NRG3: variants seen among roughly 807,000 people sequenced by gnomAD.
The protein encoded by NRG3 is neuregulin 3.
In NRG3, 31 loss-of-function variants were observed where a neutral mutation model predicts 66.9. That is an observed-to-expected ratio of 0.46 (90% CI 0.35 to 0.63). The LOEUF is 0.63. Among genes scored for constraint, NRG3 ranks in the 20% least tolerant of loss-of-function variants. NRG3 has a pLI of 0.00. For synonymous variants in NRG3, 393 were observed against 359.4 expected (o/e 1.09, Z -1.06); for missense variants, 910 against 878.9 (o/e 1.04, Z -0.45).
intron 1 of NRG3, among the ~76,000 whole-genome samples, chr10:82,013,705 A>G (rs1767524332): frequency 6.6e-6 from 1 of 151,576 alleles, no homozygotes; most frequent in South Asian, 2.1e-4. Flanking sequence ...AGAATTTTAA[A>G]ATAGTATATT....
At chr10:82,314,222 C>T (rs2081181389) in intron 1 of NRG3, among the ~76,000 whole-genome samples, 1 of 152,148 alleles carries the variant, frequency 6.6e-6, no homozygotes, top group South Asian at 2.1e-4. Context: ...ATTAGCTTGA[C>T]AACAGAACTT....
chr10:82,354,809 TCAGA>T (rs2083673742), intron 1 of NRG3, among the ~76,000 whole-genome samples: 1 of 152,122 alleles, frequency 6.6e-6, no homozygotes, highest in Non-Finnish European at 1.5e-5. Context: ...CATGGTCCAG[TCAGA>T]CAGTCAGATG....
At chr10:82,205,637 C>G (rs1415310105) in intron 1 of NRG3, among the ~76,000 whole-genome samples, 1 of 152,154 alleles carries the variant, frequency 6.6e-6, no homozygotes, top group African/African-American at 2.4e-5. Flanking sequence ...TTCATGCTCA[C>G]AGTCTTCACC....
At chr10:82,139,185 C>G (rs1323142007) in intron 1 of NRG3, among the ~76,000 whole-genome samples, 2 of 152,128 alleles carry the variant, frequency 1.3e-5, no homozygotes, top group African/African-American at 4.8e-5. Flanking sequence ...GTTGCATATA[C>G]AGCCTCTAAC....
chr10:82,116,440 T>C (rs2067723768), intron 1 of NRG3, among the ~76,000 whole-genome samples: 1 of 152,168 alleles, frequency 6.6e-6, no homozygotes, highest in South Asian at 2.1e-4. Context: ...CAACATTTAA[T>C]TTAGAAACTA....
chr10:81,944,957 A>G (rs1171871682), intron 1 of NRG3, among the ~76,000 whole-genome samples: 1 of 151,936 alleles, frequency 6.6e-6, no homozygotes, highest in Non-Finnish European at 1.5e-5. Flanking sequence ...CCCAGCACCA[A>G]CCATAGTTCC....
At chr10:82,068,677 T>A (rs1028540309) in intron 1 of NRG3, among the ~76,000 whole-genome samples, 5 of 151,956 alleles carry the variant, frequency 3.3e-5, no homozygotes, top group African/African-American at 1.2e-4. Flanking sequence ...ATGAAAGAGG[T>A]GACACCAGAG....
chr10:82,865,556 T>A, intron 4 of NRG3, 119 bp downstream of exon 4: 3 of 979,572 alleles, frequency 3.1e-6, no homozygotes, highest in Middle Eastern at 2.2e-4. Flanking sequence ...ATGCTATTAG[T>A]AGGAAAAAAT....
chr10:81,976,903 ACT>A (rs760483694), intron 1 of NRG3, among the ~76,000 whole-genome samples: 7 of 152,172 alleles, frequency 4.6e-5, no homozygotes, highest in Non-Finnish European at 7.3e-5. Flanking sequence ...GTATACAAAC[ACT>A]CACACACAAA....
At chr10:82,526,280 TA>T (rs1846686693) in intron 2 of NRG3, among the ~76,000 whole-genome samples, 1 of 151,628 alleles carries the variant, frequency 6.6e-6, no homozygotes, top group Non-Finnish European at 1.5e-5. Flanking sequence ...AAATTTATTT[TA>T]AAAATTAATG....
intron 2 of NRG3, among the ~76,000 whole-genome samples, chr10:82,412,228 A>G (rs929753703): frequency 6.6e-6 from 1 of 152,186 alleles, no homozygotes; most frequent in Non-Finnish European, 1.5e-5. Flanking sequence ...TGAAAGAATT[A>G]TAATGATAGG....
chr10:82,711,715 T>C (rs920846479), intron 2 of NRG3, among the ~76,000 whole-genome samples: 1 of 152,214 alleles, frequency 6.6e-6, no homozygotes, highest in East Asian at 1.9e-4. Context: ...TTTGATTTCC[T>C]CTGTTCTCTA....
At chr10:81,995,203 T>G (rs2060892344) in intron 1 of NRG3, among the ~76,000 whole-genome samples, 1 of 152,232 alleles carries the variant, frequency 6.6e-6, no homozygotes, top group Non-Finnish European at 1.5e-5. Context: ...TGTTTACGTT[T>G]CATATTTCAT....
At chr10:82,095,716 G>A (rs1163764626) in intron 1 of NRG3, among the ~76,000 whole-genome samples, 1 of 152,154 alleles carries the variant, frequency 6.6e-6, no homozygotes, top group Non-Finnish European at 1.5e-5. Context: ...GTTCTCCAGG[G>A]CTAACAGGAA....
chr10:82,459,673 A>G (rs1263410532), intron 2 of NRG3, among the ~76,000 whole-genome samples: 2 of 152,168 alleles, frequency 1.3e-5, no homozygotes, highest in Admixed American at 6.5e-5. Context: ...GAGCCCTCCA[A>G]CAGCATCCAC....
chr10:82,205,468 A>G (rs1358802800), intron 1 of NRG3, among the ~76,000 whole-genome samples: 2 of 152,164 alleles, frequency 1.3e-5, no homozygotes, highest in African/African-American at 2.4e-5. Context: ...CAAGAAGAGA[A>G]CTCAGTAAGA....
At chr10:81,927,067 C>T (rs943976218) in intron 1 of NRG3, among the ~76,000 whole-genome samples, 11 of 152,260 alleles carry the variant, frequency 7.2e-5, no homozygotes, top group Non-Finnish European at 8.8e-5. Flanking sequence ...ATTGTGCTCC[C>T]TGTTAGGCCA....
chr10:82,040,203 G>A (rs2062969507), intron 1 of NRG3, among the ~76,000 whole-genome samples: 1 of 151,976 alleles, frequency 6.6e-6, no homozygotes, highest in Non-Finnish European at 1.5e-5. Flanking sequence ...TTTTCCACAT[G>A]CAGCACTAAA....
chr10:82,477,491 G>A (rs1379802199), intron 2 of NRG3, among the ~76,000 whole-genome samples: 1 of 152,088 alleles, frequency 6.6e-6, no homozygotes, highest in African/African-American at 2.4e-5. Flanking sequence ...GCAAGTATTT[G>A]AACCCAAAGA....
Sources: allele counts gnomAD v4.1 joint callset (sites outside exome capture counted in the v4.1 genomes callset), GRCh38; gene constraint gnomAD v4.1.1; transcripts MANE v1.5; gene names NCBI Gene and HGNC (gene_info 2026-07-23, HGNC 2026-07-21).